MAGI2: variants seen among roughly 807,000 people sequenced by gnomAD.
MAGI2 encodes the protein membrane-associated guanylate kinase, WW and PDZ domain-containing protein 2.
In MAGI2, 35 loss-of-function variants were observed where a neutral mutation model predicts 133.3. The observed-to-expected ratio is 0.26, with a 90% CI of 0.20 to 0.35. The LOEUF (loss-of-function observed/expected upper bound fraction) is 0.35. Ranked by LOEUF, MAGI2 falls within the 10% of genes least tolerant of loss-of-function variation. The probability of loss-of-function intolerance (pLI) is 1.00; values close to 1 mark genes in which losing one functional copy is unlikely to be tolerated. For synonymous variants in MAGI2, 729 were observed against 710.6 expected (o/e 1.03, Z -0.41); for missense variants, 1,636 against 1,863.4 (o/e 0.88, Z 2.25).
At chr7:79,363,872 G>A (rs1165110127) in intron 1 of MAGI2, among the ~76,000 whole-genome samples, 1 of 151,572 alleles carries the variant, frequency 6.6e-6, no homozygotes, top group African/African-American at 2.4e-5. Context: ...AATATCATAT[G>A]TATCCCACAA....
chr7:78,988,286 C>T (rs1303892526), intron 2 of MAGI2, among the ~76,000 whole-genome samples: 1 of 152,070 alleles, frequency 6.6e-6, no homozygotes, highest in Non-Finnish European at 1.5e-5. Flanking sequence ...TTGAGGTCTA[C>T]ATTGAGGTCT....
intron 9 of MAGI2, among the ~76,000 whole-genome samples, chr7:78,278,536 T>C (rs1303831879): frequency 6.6e-6 from 1 of 152,200 alleles, no homozygotes; most frequent in African/African-American, 2.4e-5. Flanking sequence ...GATAGTTTTA[T>C]GTGTCAAGTT....
At chr7:79,320,384 T>C (rs1258400448) in intron 1 of MAGI2, among the ~76,000 whole-genome samples, 1 of 152,136 alleles carries the variant, frequency 6.6e-6, no homozygotes, top group Non-Finnish European at 1.5e-5. Context: ...TCTACAACCA[T>C]AGTTTTTAAG....
intron 3 of MAGI2, among the ~76,000 whole-genome samples, chr7:78,539,718 G>A (rs12533993): frequency 0.37 from 55,976 of 152,072 alleles, 11,328 homozygotes; most frequent in South Asian, 0.56. Flanking sequence ...ACTGGGGAAT[G>A]TCTGCAAAGA....
At chr7:79,060,624 G>T (rs1027463142) in intron 1 of MAGI2, among the ~76,000 whole-genome samples, 1 of 152,068 alleles carries the variant, frequency 6.6e-6, no homozygotes, top group African/African-American at 2.4e-5. Context: ...AACAATATGT[G>T]TTGGAGAGTG....
chr7:78,096,171 G>A (rs1424521414), intron 20 of MAGI2, among the ~76,000 whole-genome samples: 4 of 152,204 alleles, frequency 2.6e-5, no homozygotes, highest in African/African-American at 9.7e-5. Context: ...AGGCATGAAG[G>A]ACACTGTGGA....
chr7:78,535,101 C>T (rs1440941672), intron 3 of MAGI2, among the ~76,000 whole-genome samples: 1 of 152,070 alleles, frequency 6.6e-6, no homozygotes, highest in Non-Finnish European at 1.5e-5. Context: ...CACTGCACTC[C>T]AGCCTGGGTG....
chr7:78,950,465 T>C (rs1345932162), intron 2 of MAGI2, among the ~76,000 whole-genome samples: 1 of 152,214 alleles, frequency 6.6e-6, no homozygotes, highest in Non-Finnish European at 1.5e-5. Flanking sequence ...CAAAGTCAGA[T>C]TGCCATGAAC....
chr7:79,232,795 C>G (rs1831495945), intron 1 of MAGI2, among the ~76,000 whole-genome samples: 2 of 80,058 alleles, frequency 2.5e-5, no homozygotes, highest in Non-Finnish European at 4.9e-5. Flanking sequence ...CTATTTCCTT[C>G]AGTTCTGCTC....
intron 1 of MAGI2, among the ~76,000 whole-genome samples, chr7:79,284,715 G>C (rs1370991180): frequency 6.6e-6 from 1 of 152,082 alleles, no homozygotes; most frequent in East Asian, 1.9e-4. Flanking sequence ...AAGATCAATA[G>C]TTTCAGTTAA....
At chr7:78,044,346 A>T (rs1811173632) in intron 21 of MAGI2, among the ~76,000 whole-genome samples, 1 of 152,202 alleles carries the variant, frequency 6.6e-6, no homozygotes. Context: ...CATAGCTATG[A>T]GGAAGACAGG....
At chr7:78,534,225 G>A (rs762624661) in intron 3 of MAGI2, among the ~76,000 whole-genome samples, 4 of 152,088 alleles carry the variant, frequency 2.6e-5, no homozygotes, top group Non-Finnish European at 5.9e-5. Context: ...GGTGTTTGGA[G>A]AACTCCAAGA....
chr7:78,939,186 G>T (rs1321822482), intron 2 of MAGI2, among the ~76,000 whole-genome samples: 1 of 151,986 alleles, frequency 6.6e-6, no homozygotes, highest in Non-Finnish European at 1.5e-5. Flanking sequence ...TAGAGATGGG[G>T]TTCCACCACG....
intron 20 of MAGI2, among the ~76,000 whole-genome samples, chr7:78,094,942 C>T (rs1031386362): frequency 3.3e-5 from 5 of 152,158 alleles, no homozygotes; most frequent in Non-Finnish European, 5.9e-5. Flanking sequence ...CCTCTGCAGC[C>T]GCCCTCTCTC....
Position 78,547,668 on chromosome 7 carries a change from C to T in MAGI2, c.539-26023G>A, listed in dbSNP as rs75404209. On this transcript the variant is annotated intron_variant, in intron 3 of 21. Coordinates refer to ENST00000354212, the MANE Select transcript of MAGI2 (RefSeq NM_012301.4). The stretch of plus-strand genomic sequence containing the variant: ...CAAGGCACGCGCGCACACACACACT[C>T]ACTCAGATTACGACAATTTAAACAT... Among the ~76,000 whole-genome samples the T allele has an allele frequency of 6.9e-3, 1,051 of 152,316 alleles. 20 individuals are homozygous for T. Among genetic ancestry groups the T allele is most frequent in the African/African-American group, 0.024 (1,010 of 41,566 alleles).
At chr7:78,723,982 G>A (rs1447081279) in intron 2 of MAGI2, among the ~76,000 whole-genome samples, 1 of 152,124 alleles carries the variant, frequency 6.6e-6, no homozygotes, top group African/African-American at 2.4e-5. Context: ...AAAACTGGGT[G>A]ATAATGTTAC....
intron 2 of MAGI2, among the ~76,000 whole-genome samples, chr7:78,687,549 G>A (rs1816454180): frequency 6.6e-6 from 1 of 152,118 alleles, no homozygotes; most frequent in South Asian, 2.1e-4. Flanking sequence ...CTAGTACTTT[G>A]TCCAATGTGT....
chr7:78,164,023 G>C (rs2150626865), intron 15 of MAGI2, among the ~76,000 whole-genome samples: 1 of 152,210 alleles, frequency 6.6e-6, no homozygotes, highest in South Asian at 2.1e-4. Context: ...CTCAGTGATG[G>C]CTGCTCCTTC....
At chr7:78,922,652 T>C (rs1403252757) in intron 2 of MAGI2, among the ~76,000 whole-genome samples, 1 of 152,214 alleles carries the variant, frequency 6.6e-6, no homozygotes, top group Non-Finnish European at 1.5e-5. Flanking sequence ...GCAATAAACA[T>C]AACTGTGTAT....
Sources: allele counts gnomAD v4.1 joint callset (sites outside exome capture counted in the v4.1 genomes callset), GRCh38; gene constraint gnomAD v4.1.1; transcripts MANE v1.5; gene names NCBI Gene and HGNC (gene_info 2026-07-23, HGNC 2026-07-21).